The following LPCAT1 variants were observed in gnomAD, a reference collection of about 807,000 sequenced individuals.
LPCAT1 encodes 1-acylglycerol-3-phosphate O-acyltransferase.
A neutral mutation model predicts 60.9 loss-of-function variants in LPCAT1; 23 were observed. That is an observed-to-expected ratio of 0.38 (90% confidence interval 0.27 to 0.53). The LOEUF (loss-of-function observed/expected upper bound fraction) is 0.53, where lower values mean the gene tolerates loss of function less well. Ranked by LOEUF, LPCAT1 falls within the 20% of genes least tolerant of loss-of-function variation. The pLI is 0.82. For synonymous variants in LPCAT1, 340 were observed against 301.1 expected (o/e 1.13, Z -1.34); for missense variants, 622 against 723.6 (o/e 0.86, Z 1.61).
At chr5:1,506,910 G>A (rs2126602792) in intron 1 of LPCAT1, among the ~76,000 whole-genome samples, 1 of 152,256 alleles carries the variant, frequency 6.6e-6, no homozygotes, top group Admixed American at 6.5e-5. Flanking sequence ...CCCAAGCAAG[G>A]CCCAGCACCC....
intron 1 of LPCAT1, among the ~76,000 whole-genome samples, chr5:1,511,916 G>A (rs1001836168): frequency 1.3e-5 from 2 of 152,242 alleles, no homozygotes; most frequent in African/African-American, 4.8e-5. Context: ...CATGGCTGGG[G>A]ATGGCTGTGT....
At position 1,474,031 on chromosome 5, in the gene LPCAT1, T is replaced by C; in HGVS notation, c.1105A>G (p.Ile369Val). Residue 369 changes from isoleucine to valine, a missense_variant, in exon 11 of 14, where the codon ATT (isoleucine) becomes GTT (valine). This residue lies in a region of LPCAT1 where 288 missense variants were observed against 283.6 expected (regional missense o/e 1.02). Transcript: ENST00000283415. ...ARMKGGEKIG[I>V]AEFAASLEVP... ...TCCAGGGAGGCGGCAAACTCCGCAA[T>C]ACCTATCTTCTCTCCTCCCTTCATC... 1 of 1,614,194 alleles carries C rather than the reference T, an allele frequency of 6.2e-7. No individual in the cohort carries two copies. The highest frequency in any genetic ancestry group is 1.1e-5 in the South Asian group (1 of 91,090).
intron 3 of LPCAT1, 116 bp downstream of exon 3, chr5:1,494,584 C>A: frequency 2.0e-6 from 2 of 988,712 alleles, no homozygotes; most frequent in Non-Finnish European, 1.5e-6. Context: ...TCATTCCCAA[C>A]AGAGGGGGGA....
In LPCAT1 at chr5:1,516,468, G is replaced by C. The variant is rs112338903; in HGVS notation, c.135+7242C>G. Among the ~76,000 whole-genome samples, 1,000 of 152,286 alleles carry C rather than the reference G, an allele frequency of 6.6e-3. 16 individuals are homozygous for C. The highest frequency in any genetic ancestry group is 0.023 in the African/African-American group (960 of 41,538). ...CTAAGGAGCCCAGGCATTCCATGCT[G>C]ATCCACGCCTGCCCAGCCCGGCGGC... On this transcript the variant is annotated intron_variant, in intron 1 of 13. Coordinates refer to ENST00000283415, the MANE Select transcript of LPCAT1 (RefSeq NM_024830.5).
intron 12 of LPCAT1, 29 bp downstream of exon 12, chr5:1,470,797 A>G (rs774595322): frequency 6.3e-7 from 1 of 1,585,466 alleles, no homozygotes; most frequent in Non-Finnish European, 8.6e-7. Flanking sequence ...CCTGTCCCCC[A>G]GTCAAACCCA....
At position 1,481,710 on chromosome 5, in the gene LPCAT1, T is replaced by A. The variant is rs920170377; in HGVS notation, c.727-734A>T. On this transcript the variant is annotated intron_variant, in intron 6 of 13. Transcript: ENST00000283415. The surrounding 1 kb of genome is among the most constrained non-coding windows in gnomAD (Gnocchi z 7.8). ...CGGAGTCTGTTGTCCTCGGGTTGAC[T>A]TTTTTGCCCACAGGAGTTGCACTGG... Among the ~76,000 whole-genome samples, 4 of 152,242 alleles carry A rather than the reference T, an allele frequency of 2.6e-5. No individual in the cohort carries two copies. The highest frequency in any genetic ancestry group is 5.9e-5 in the Non-Finnish European group (4 of 68,028).
chr5:1,483,741 CG>C lies in LPCAT1; in HGVS notation c.668-256del, dbSNP rs1560967169. ...ACACTTTCTGTTTTAACATCGCGCA[CG>C]AGCTGGAAGGCGTCTGTGGAGGGAC... On this transcript the variant is annotated intron_variant, in intron 5 of 13. Coordinates refer to ENST00000283415, the MANE Select transcript of LPCAT1 (RefSeq NM_024830.5). This position sits in a 1 kb window ranked among gnomAD's most constrained non-coding sequence, Gnocchi z 9.2. 4.0e-4 allele frequency among the ~76,000 whole-genome samples: 60 copies of C among 151,650 alleles called. No individual in the cohort carries two copies. Among genetic ancestry groups the C allele is most frequent in the South Asian group, 1.0e-3 (5 of 4,816 alleles).
At chr5:1,503,800 A>G (rs560166361) in intron 1 of LPCAT1, among the ~76,000 whole-genome samples, 2 of 151,914 alleles carry the variant, frequency 1.3e-5, no homozygotes, top group Admixed American at 1.3e-4. Context: ...AGCTTTTGGC[A>G]TATTTTTCCC....
Position 1,523,933 on chromosome 5 carries a change from G to T in LPCAT1, c.-89C>A. 1.1e-6 allele frequency: 1 copy of T among 898,090 alleles called. No homozygotes were observed. The highest frequency in any genetic ancestry group is 1.3e-6 in the Non-Finnish European group (1 of 748,360). 55.6% of individuals were successfully genotyped at this position (898,090 alleles called of 1,614,324 possible). ...GCTGGGCGCGGGTCTCGGGGCGCGG[G>T]CCGAGGATGCGCGGCGGCTGGAGCG... On this transcript the variant is annotated 5_prime_UTR_variant, in exon 1 of 14. Coordinates refer to ENST00000283415, the MANE Select transcript of LPCAT1 (RefSeq NM_024830.5). The surrounding 1 kb of genome is among the most constrained non-coding windows in gnomAD (Gnocchi z 7.1).
At chr5:1,511,443 C>T (rs7717519) in intron 1 of LPCAT1, among the ~76,000 whole-genome samples, 9,830 of 110,126 alleles carry the variant, frequency 0.089, 3 homozygotes, top group Non-Finnish European at 0.13. Context: ...GCTCACCCTA[C>T]GTGGGGACGT....
intron 1 of LPCAT1, among the ~76,000 whole-genome samples, chr5:1,507,463 A>G (rs973204596): frequency 5.3e-5 from 8 of 152,280 alleles, no homozygotes; most frequent in African/African-American, 1.7e-4. Context: ...ACCTGCCCAC[A>G]TGCAGGGAGA....
At chr5:1,478,071 T>C (rs1042431993) in intron 8 of LPCAT1, among the ~76,000 whole-genome samples, 2 of 152,292 alleles carry the variant, frequency 1.3e-5, no homozygotes, top group African/African-American at 2.4e-5. Flanking sequence ...AGTTTTGTAA[T>C]GGGGATAATG....
At position 1,509,252 on chromosome 5, in the gene LPCAT1, C is replaced by T. The variant is rs958663211; in HGVS notation, c.136-7649G>A. ...GCCACCCCAAGCTCTACGGTTAGCG[C>T]GGTGGAGGCAGCTCACAGGAATGCT... On this transcript the variant is annotated intron_variant, in intron 1 of 13. Transcript: ENST00000283415. 3.2e-4 allele frequency among the ~76,000 whole-genome samples: 48 copies of T among 152,378 alleles called. 1 individual carries two copies. Among genetic ancestry groups the T allele is most frequent in the African/African-American group, 1.0e-3 (42 of 41,592 alleles).
intron 2 of LPCAT1, among the ~76,000 whole-genome samples, chr5:1,500,297 T>C (rs981130317): frequency 6.6e-6 from 1 of 152,288 alleles, no homozygotes; most frequent in African/African-American, 2.4e-5. Context: ...AAAGTATTTA[T>C]GATATCTCAA....
intron 5 of LPCAT1, among the ~76,000 whole-genome samples, chr5:1,485,207 C>T (rs1201036515): frequency 6.6e-6 from 1 of 152,162 alleles, no homozygotes; most frequent in Non-Finnish European, 1.5e-5. Context: ...ACCCTGGGGA[C>T]CTCTCAGGAA....
At chr5:1,500,371 C>T (rs989281614) in intron 2 of LPCAT1, among the ~76,000 whole-genome samples, 2 of 152,218 alleles carry the variant, frequency 1.3e-5, no homozygotes, top group African/African-American at 2.4e-5. Context: ...TTAAATGAAA[C>T]AAGAAAATAT....
chr5:1,498,581 GTACA>G (rs1281938619), intron 2 of LPCAT1, among the ~76,000 whole-genome samples: 2 of 151,964 alleles, frequency 1.3e-5, no homozygotes, highest in Admixed American at 6.5e-5. Flanking sequence ...ATACACATAT[GTACA>G]TACATCATAC....
chr5:1,474,744 C>A (rs922709659), intron 9 of LPCAT1, 59 bp from the exon 10 acceptor site: 1 of 1,561,520 alleles, frequency 6.4e-7, no homozygotes, highest in Non-Finnish European at 8.7e-7. Flanking sequence ...TCCCACCGCC[C>A]CACCAGAATA....
chr5:1,475,824 GC>G (rs1423492212), intron 9 of LPCAT1, among the ~76,000 whole-genome samples: 1 of 101,214 alleles, frequency 9.9e-6, no homozygotes, highest in Non-Finnish European at 2.4e-5. Context: ...GCACGGCCCC[GC>G]CCAGGCCCAG....
Sources: allele counts gnomAD v4.1 joint callset (sites outside exome capture counted in the v4.1 genomes callset), GRCh38; gene constraint gnomAD v4.1.1; regional missense constraint gnomAD v4.1.1; non-coding constraint Gnocchi (gnomAD v3.1); transcripts MANE v1.5; gene names NCBI Gene and HGNC (gene_info 2026-07-23, HGNC 2026-07-21).